Variants in BACE2 observed in about 807,000 individuals in gnomAD.
BACE2 encodes 56 kDa aspartic-like protease.
BACE2 carries 17 observed loss-of-function variants against 46.2 expected under a neutral mutation model. The ratio of observed to expected loss-of-function variants is 0.37; its 90% confidence interval spans 0.25 to 0.55. The LOEUF (loss-of-function observed/expected upper bound fraction) is 0.55, where lower values mean the gene tolerates loss of function less well. BACE2 is among the 20% of genes least tolerant of loss of function. BACE2 has a pLI of 0.82. For missense variants in BACE2, 595 were observed against 698.1 expected (o/e 0.85, Z 1.66); for synonymous variants, 277 against 295.9 (o/e 0.94, Z 0.66).
At chr21:41,264,216 T>G (rs1298148271) in intron 8 of BACE2, among the ~76,000 whole-genome samples, 2 of 150,510 alleles carry the variant, frequency 1.3e-5, no homozygotes, top group African/African-American at 4.9e-5. Context: ...TTGGGGGTCT[T>G]TTTTTTTTCT....
chr21:41,260,454 A>C (rs1601317473), intron 8 of BACE2, among the ~76,000 whole-genome samples: 1 of 152,094 alleles, frequency 6.6e-6, no homozygotes, highest in Non-Finnish European at 1.5e-5. Flanking sequence ...CATCTTGTGG[A>C]GTTTCTTAGG....
chr21:41,219,287 A>G (rs1158040562), intron 1 of BACE2, among the ~76,000 whole-genome samples: 1 of 152,238 alleles, frequency 6.6e-6, no homozygotes, highest in Non-Finnish European at 1.5e-5. Context: ...GAATAATTTA[A>G]AAATAGATGT....
chr21:41,208,348 T>C (rs985272979), intron 1 of BACE2, among the ~76,000 whole-genome samples: 1 of 152,228 alleles, frequency 6.6e-6, no homozygotes, highest in Non-Finnish European at 1.5e-5. Flanking sequence ...GAAGCCCCTG[T>C]GACTGCAGGT....
At chr21:41,196,623 A>C (rs1178782600) in intron 1 of BACE2, among the ~76,000 whole-genome samples, 1 of 152,268 alleles carries the variant, frequency 6.6e-6, no homozygotes, top group Non-Finnish European at 1.5e-5. Flanking sequence ...CATATGGCAC[A>C]TGGAGGTGTC....
intron 1 of BACE2, chr21:41,176,684 G>A (rs895149679): frequency 5.9e-5 from 9 of 152,096 alleles, no homozygotes; most frequent in East Asian, 5.8e-4. Flanking sequence ...AAAACTCCTC[G>A]TGTTGGGCAA....
intron 1 of BACE2, among the ~76,000 whole-genome samples, chr21:41,173,177 CACA>C (rs1984666655): frequency 6.6e-6 from 1 of 152,170 alleles, no homozygotes; most frequent in Non-Finnish European, 1.5e-5. Context: ...TGATTTAATC[CACA>C]ACAAGTTCAT....
chr21:41,255,008 C>A (rs778774378), intron 7 of BACE2, among the ~76,000 whole-genome samples: 1 of 152,190 alleles, frequency 6.6e-6, no homozygotes, highest in Non-Finnish European at 1.5e-5. Flanking sequence ...GATTTGATTC[C>A]GCTTCGGTTT....
rs181435982 is a variant in BACE2, at chr21:41,223,693, A to G, written c.313-2573A>G. 1.7e-3 allele frequency among the ~76,000 whole-genome samples: 255 copies of G among 152,322 alleles called. 2 individuals are homozygous for G. Among genetic ancestry groups the G allele is most frequent in the African/African-American group, 5.8e-3 (243 of 41,572 alleles). On this transcript the variant is annotated intron_variant, in intron 1 of 8. Coordinates refer to ENST00000330333, the MANE Select transcript of BACE2 (RefSeq NM_012105.5). ...AGACCTTTTTTCCAAATAAGGGCAC[A>G]TTCACAGGTGCAGGGGTTAGGAACT...
intron 8 of BACE2, among the ~76,000 whole-genome samples, chr21:41,272,986 A>G (rs1034515309): frequency 1.3e-5 from 2 of 152,184 alleles, no homozygotes; most frequent in African/African-American, 2.4e-5. Context: ...GAAAGAGTAC[A>G]AAAGAGAGAA....
chr21:41,280,458 C>T lies in BACE2; in HGVS notation c.*4834C>T, dbSNP rs1385141264. The T allele has an allele frequency of 6.6e-6, 1 of 152,382 alleles. No individual in the cohort carries two copies. Among genetic ancestry groups the T allele is most frequent in the Non-Finnish European group, 1.5e-5 (1 of 68,134 alleles). 9.4% of individuals were successfully genotyped at this position (152,382 alleles called of 1,614,324 possible). On this transcript the variant is annotated 3_prime_UTR_variant, in exon 9 of 9. Coordinates refer to ENST00000330333, the MANE Select transcript of BACE2 (RefSeq NM_012105.5). ...CACTGCTGTCAGCGTGGGAGCCCTG[C>T]TCCCCAGGCTCCACGTCCCCGGAAG...
At position 41,193,529 on chromosome 21, in the gene BACE2, C is replaced by T. The variant is rs1985644538; in HGVS notation, c.312+24954C>T. ...AGTCCTTGATGGTGGCACTAATCTC[C>T]ACAATCCCTTCAGGGATGTGATACT... is the stretch of plus-strand genomic sequence containing the variant. On this transcript the variant is annotated intron_variant, in intron 1 of 8. Transcript: ENST00000330333. The surrounding 1 kb of genome is among the most constrained non-coding windows in gnomAD (Gnocchi z 4.2). 6.6e-6 allele frequency among the ~76,000 whole-genome samples: 1 copy of T among 152,226 alleles called. No homozygotes were observed.
chr21:41,208,833 C>T (rs1205018634), intron 1 of BACE2, among the ~76,000 whole-genome samples: 1 of 152,122 alleles, frequency 6.6e-6, no homozygotes, highest in Non-Finnish European at 1.5e-5. Flanking sequence ...GAAAAACAGC[C>T]CCTAGGGGTA....
At chr21:41,184,360 C>T (rs562556542) in intron 1 of BACE2, 5 of 167,140 alleles carry the variant, frequency 3.0e-5, no homozygotes, top group South Asian at 2.1e-4. Context: ...GCACAGCAAG[C>T]GGATGACAAT....
chr21:41,244,893 A>ATGTG (rs58052575), intron 5 of BACE2, among the ~76,000 whole-genome samples: 18 of 144,802 alleles, frequency 1.2e-4, no homozygotes, highest in African/African-American at 3.8e-4. Flanking sequence ...GTGTGTGTGT[A>ATGTG]TGTGTGTGTG....
chr21:41,235,100 TA>T (rs1409470448), intron 2 of BACE2, among the ~76,000 whole-genome samples: 2 of 152,212 alleles, frequency 1.3e-5, no homozygotes, highest in Non-Finnish European at 2.9e-5. Flanking sequence ...CTCCTGATTA[TA>T]AAAATAATGC....
At chr21:41,179,032 G>C in intron 1 of BACE2, 2 of 1,060,024 alleles carry the variant, frequency 1.9e-6, no homozygotes, top group Non-Finnish European at 2.5e-6. Context: ...TAGGGAAAGC[G>C]TGTCCCAGGC....
chr21:41,274,314 C>A (rs755514290), intron 8 of BACE2, among the ~76,000 whole-genome samples: 1 of 152,110 alleles, frequency 6.6e-6, no homozygotes, highest in Admixed American at 6.6e-5. Flanking sequence ...ATTTTAAAAC[C>A]ATTCTTTTCA....
chr21:41,191,969 A>G (rs752698393), intron 1 of BACE2, among the ~76,000 whole-genome samples: 5 of 149,006 alleles, frequency 3.4e-5, no homozygotes, highest in Non-Finnish European at 7.4e-5. Flanking sequence ...GCTTCTTCCA[A>G]TTCCCTGATG....
chr21:41,244,960 C>T (rs1987424109), intron 5 of BACE2, among the ~76,000 whole-genome samples: 1 of 151,868 alleles, frequency 6.6e-6, no homozygotes, highest in South Asian at 2.1e-4. Context: ...ATTCTAGGTT[C>T]TTTCCTGCCC....
Sources: gnomAD v4.1 joint callset for allele counts (sites outside exome capture counted in the v4.1 genomes callset) on GRCh38, gnomAD v4.1.1 for gene constraint, Gnocchi (gnomAD v3.1) non-coding constraint, MANE v1.5 for transcripts, NCBI Gene and HGNC (gene_info 2026-07-23, HGNC 2026-07-21) for gene names.